Variants in KIFAP3 observed in about 807,000 individuals in gnomAD.
The protein encoded by KIFAP3 is kinesin associated protein 3, also known as kinesin-associated protein 3.
Under a neutral mutation model 106.5 loss-of-function variants are expected in KIFAP3, and 68 were observed. The ratio of observed to expected loss-of-function variants is 0.64; its 90% CI spans 0.53 to 0.78. The LOEUF (loss-of-function observed/expected upper bound fraction) is 0.78. Among genes scored for constraint, KIFAP3 ranks in the 30% least tolerant of loss-of-function variants. The probability of loss-of-function intolerance (pLI) is 0.00; values close to 1 mark genes in which losing one functional copy is unlikely to be tolerated. For missense variants in KIFAP3, 780 were observed against 941.8 expected (o/e 0.83, Z 2.25); for synonymous variants, 320 against 311.5 (o/e 1.03, Z -0.29).
chr1:169,923,571 A>G (rs1426218739), intron 19 of KIFAP3, among the ~76,000 whole-genome samples: 1 of 152,186 alleles, frequency 6.6e-6, no homozygotes, highest in Non-Finnish European at 1.5e-5. Context: ...AACTCCTCTG[A>G]GGCCAAATAG....
chr1:169,955,601 G>A (rs1664971827), intron 18 of KIFAP3, among the ~76,000 whole-genome samples: 1 of 152,038 alleles, frequency 6.6e-6, no homozygotes, highest in Admixed American at 6.6e-5. Context: ...GTTGGCAAAC[G>A]AATTAAGTGG....
chr1:170,068,549 G>T (rs1410968956), intron 1 of KIFAP3: 1 of 150,266 alleles, frequency 6.7e-6, no homozygotes, highest in Non-Finnish European at 1.5e-5. Flanking sequence ...ACAGAATGAA[G>T]AAAAATAAAC....
chr1:169,956,786 G>A (rs1429840726), intron 18 of KIFAP3, among the ~76,000 whole-genome samples: 1 of 151,930 alleles, frequency 6.6e-6, no homozygotes, highest in Non-Finnish European at 1.5e-5. Flanking sequence ...AAAATTTGTT[G>A]TAGAGACGGG....
In KIFAP3 at chr1:170,055,367, T is replaced by A. The variant is rs375484179; in HGVS notation, c.102A>T (p.Glu34Asp). The A allele has an allele frequency of 6.2e-7, 1 of 1,611,034 alleles. No individual in the cohort carries two copies. Among genetic ancestry groups the A allele is most frequent in the Non-Finnish European group, 8.5e-7 (1 of 1,178,614 alleles). ...EKALIVHYEV[E>D]ATILGEMGDP... is the part of the protein sequence containing the mutation. ...CCCCCATTTCTCCAAGAATGGTAGCTTCCACTTCATAGTGAACAATGAGTG... is the reference window on the plus strand; with the variant it reads ...CCCCCATTTCTCCAAGAATGGTAGCATCCACTTCATAGTGAACAATGAGTG... Residue 34 changes from glutamate to aspartate, a missense_variant, in exon 2 of 20, where the codon GAA becomes GAT. Physicochemically the swap from Glu to Asp is conservative, Grantham distance 45 (BLOSUM62 2). Transcript: ENST00000361580.
intron 19 of KIFAP3, among the ~76,000 whole-genome samples, chr1:169,922,690 T>C (rs982727175): frequency 6.6e-6 from 1 of 152,230 alleles, no homozygotes; most frequent in African/African-American, 2.4e-5. Context: ...TGCTCATGCA[T>C]AGCTCATGCA....
chr1:170,012,692 T>C (rs1212960006), intron 10 of KIFAP3, among the ~76,000 whole-genome samples: 2 of 152,024 alleles, frequency 1.3e-5, no homozygotes, highest in Non-Finnish European at 2.9e-5. Flanking sequence ...ATGTACGGGA[T>C]TGGTGCCTGT....
chr1:169,973,105 G>GTA lies in KIFAP3; in HGVS notation c.1898-509_1898-508dup, dbSNP rs1553278126. Among the ~76,000 whole-genome samples the GTA allele has an allele frequency of 9.4e-4, 85 of 90,310 alleles. 1 individual carries two copies. Among genetic ancestry groups the GTA allele is most frequent in the South Asian group, 1.4e-3 (3 of 2,148 alleles). The allele number at this position is 90,310 out of a possible 152,430, so 59.2% of individuals were successfully genotyped here. ...ATAAAAATAATTTAAAAAATAGTGTGTATATATATATATATATAAACAACA... is the reference window on the plus strand; with the variant it reads ...ATAAAAATAATTTAAAAAATAGTGTGTATATATATATATATATATAAACAACA... On this transcript the variant is annotated intron_variant, in intron 16 of 19. Transcript: ENST00000361580.
chr1:170,055,266 G>C, intron 2 of KIFAP3, 39 bp downstream of exon 2: 1 of 1,555,922 alleles, frequency 6.4e-7, no homozygotes, highest in Non-Finnish European at 8.7e-7. Context: ...TTTATATAAT[G>C]TTCACTACTT....
intron 19 of KIFAP3, among the ~76,000 whole-genome samples, chr1:169,951,336 T>C (rs1664720421): frequency 1.3e-5 from 2 of 151,938 alleles, no homozygotes; most frequent in African/African-American, 4.8e-5. Context: ...AATTCTCAAA[T>C]GAAAATAATT....
At chr1:170,024,962 T>C (rs781589213) in intron 8 of KIFAP3, among the ~76,000 whole-genome samples, 6 of 151,980 alleles carry the variant, frequency 3.9e-5, no homozygotes, top group Admixed American at 6.6e-5. Flanking sequence ...CAGAGGAAAA[T>C]AGTTTTTACA....
intron 17 of KIFAP3, among the ~76,000 whole-genome samples, chr1:169,970,318 G>C (rs944714186): frequency 6.6e-6 from 1 of 151,994 alleles, no homozygotes; most frequent in African/African-American, 2.4e-5. Context: ...GTAAACAAGT[G>C]ATGTAATCCT....
chr1:169,973,324 T>C (rs1377466119), intron 16 of KIFAP3, among the ~76,000 whole-genome samples: 3 of 148,560 alleles, frequency 2.0e-5, no homozygotes, highest in African/African-American at 7.4e-5. Flanking sequence ...GATAAAAAGA[T>C]TAGAAAATGA....
intron 19 of KIFAP3, among the ~76,000 whole-genome samples, chr1:169,923,370 A>G (rs1662924430): frequency 6.6e-6 from 1 of 152,220 alleles, no homozygotes; most frequent in Non-Finnish European, 1.5e-5. Flanking sequence ...GAACTAAGAG[A>G]CACTGGTATC....
At chr1:170,078,441 T>C (rs958107837), upstream of KIFAP3, among the ~76,000 whole-genome samples, 2 of 152,144 alleles carry the variant, frequency 1.3e-5, no homozygotes, top group African/African-American at 2.4e-5. Context: ...AACAGTTAAG[T>C]AGATAAAGAG....
chr1:169,978,039 T>C, intron 16 of KIFAP3, 46 bp downstream of exon 16: 2 of 1,252,038 alleles, frequency 1.6e-6, no homozygotes, highest in East Asian at 4.7e-5. Flanking sequence ...GCATCTTTTC[T>C]GAATATGTGA....
chr1:170,046,920 ATAC>A (rs1345383826), intron 2 of KIFAP3, 54 bp from the exon 3 acceptor site: 2 of 1,024,490 alleles, frequency 2.0e-6, no homozygotes, highest in African/African-American at 1.7e-5. Flanking sequence ...AATAACTTCA[ATAC>A]TACTACTTTA....
At chr1:170,068,039 G>C (rs1304891941) in intron 1 of KIFAP3, 1 of 152,208 alleles carries the variant, frequency 6.6e-6, no homozygotes, top group African/African-American at 2.4e-5. Context: ...GCCTGGCTAA[G>C]TGTTGAAGCC....
At chr1:169,972,147 AG>A (rs1303347465) in intron 17 of KIFAP3, among the ~76,000 whole-genome samples, 1 of 152,044 alleles carries the variant, frequency 6.6e-6, no homozygotes, top group Non-Finnish European at 1.5e-5. Flanking sequence ...AGCTGATACA[AG>A]ATTTGATTTA....
At chr1:170,050,512 G>A (rs1302682598) in intron 2 of KIFAP3, among the ~76,000 whole-genome samples, 3 of 152,170 alleles carry the variant, frequency 2.0e-5, no homozygotes, top group South Asian at 2.1e-4. Flanking sequence ...GATACTCCTC[G>A]AGAAGATAAA....
Sources: allele counts gnomAD v4.1 joint callset (sites outside exome capture counted in the v4.1 genomes callset), GRCh38; gene constraint gnomAD v4.1.1; transcripts MANE v1.5; gene names NCBI Gene and HGNC (gene_info 2026-07-23, HGNC 2026-07-21).